Variants in ADAMTS3 observed in about 807,000 individuals in gnomAD.
ADAMTS3 encodes the protein ADAM metallopeptidase with thrombospondin type 1 motif 3.
A neutral mutation model predicts 129.0 loss-of-function variants in ADAMTS3; 73 were observed. The ratio of observed to expected loss-of-function variants is 0.57; its 90% confidence interval spans 0.47 to 0.69. ADAMTS3 has a LOEUF of 0.69. ADAMTS3 is among the 30% of genes least tolerant of loss of function. ADAMTS3 has a pLI of 0.00. For missense variants in ADAMTS3, 1,457 were observed against 1,514.5 expected, an observed-to-expected ratio of 0.96 and a Z score of 0.63; for synonymous variants, 477 against 510.8, an observed-to-expected ratio of 0.93 and a Z score of 0.89.
At chr4:72,376,952 T>C (rs997359673) in intron 4 of ADAMTS3, among the ~76,000 whole-genome samples, 3 of 152,146 alleles carry the variant, frequency 2.0e-5, no homozygotes, top group Non-Finnish European at 4.4e-5. Flanking sequence ...TGGCATTCAC[T>C]GAAGTGGCAT....
intron 4 of ADAMTS3, among the ~76,000 whole-genome samples, chr4:72,353,675 T>C (rs191714313): frequency 6.6e-6 from 1 of 152,034 alleles, no homozygotes; most frequent in African/African-American, 2.4e-5. Context: ...GTATTTTCAA[T>C]CCTTCCAAAG....
chr4:72,416,651 A>G (rs1299253852), intron 3 of ADAMTS3, among the ~76,000 whole-genome samples: 1 of 152,162 alleles, frequency 6.6e-6, no homozygotes, highest in Admixed American at 6.6e-5. Flanking sequence ...CATATTTTTC[A>G]AAAGTTATAT....
chr4:72,457,556 A>T (rs1718657633), intron 3 of ADAMTS3, among the ~76,000 whole-genome samples: 1 of 151,686 alleles, frequency 6.6e-6, no homozygotes, highest in Non-Finnish European at 1.5e-5. Context: ...AGACAACAAA[A>T]GATGGTTCTG....
At chr4:72,415,847 A>T (rs4694122) in intron 3 of ADAMTS3, among the ~76,000 whole-genome samples, 2,121 of 152,152 alleles carry the variant, frequency 0.014, 39 homozygotes, top group Admixed American at 0.037. Flanking sequence ...TTTCTACTTT[A>T]AACATCATAC....
At chr4:72,439,670 T>C (rs1718059535) in intron 3 of ADAMTS3, among the ~76,000 whole-genome samples, 1 of 151,842 alleles carries the variant, frequency 6.6e-6, no homozygotes, top group East Asian at 2.0e-4. Context: ...ATGTGAGATA[T>C]TTAACATTAT....
In ADAMTS3 at chr4:72,319,484, C is replaced by A; in HGVS notation, c.1209-9G>T. 1 of 1,606,238 alleles carries A rather than the reference C, an allele frequency of 6.2e-7. No homozygotes were observed. The highest frequency in any genetic ancestry group is 8.5e-7 in the Non-Finnish European group (1 of 1,177,724). On this transcript the variant is annotated splice_polypyrimidine_tract_variant and intron_variant, in intron 8 of 21. Coordinates refer to ENST00000286657, the MANE Select transcript of ADAMTS3 (RefSeq NM_014243.3). ...CATGCTCCATTCCCAACCTAGAACA[C>A]AAAGAGACCTCAGTGGTAAGAATCA...
chr4:72,472,115 G>GA (rs1032793032), intron 3 of ADAMTS3, among the ~76,000 whole-genome samples: 2 of 152,052 alleles, frequency 1.3e-5, no homozygotes, highest in Non-Finnish European at 1.5e-5. Context: ...CCTGGTCCAG[G>GA]AAAAATGAGA....
chr4:72,368,075 A>G (rs1358148886), intron 4 of ADAMTS3, among the ~76,000 whole-genome samples: 1 of 152,242 alleles, frequency 6.6e-6, no homozygotes, highest in Non-Finnish European at 1.5e-5. Flanking sequence ...GTCAAAATGT[A>G]CGCTAAAACA....
chr4:72,335,278 C>T (rs964009746), intron 5 of ADAMTS3, among the ~76,000 whole-genome samples: 5 of 152,096 alleles, frequency 3.3e-5, no homozygotes, highest in African/African-American at 1.2e-4. Flanking sequence ...TTAATTTATG[C>T]ATCCAAACAC....
intron 3 of ADAMTS3, among the ~76,000 whole-genome samples, chr4:72,493,956 A>C (rs1436364057): frequency 6.6e-6 from 1 of 152,070 alleles, no homozygotes; most frequent in Non-Finnish European, 1.5e-5. Context: ...TATAGAGGTC[A>C]CCTTGTATGT....
intron 2 of ADAMTS3, among the ~76,000 whole-genome samples, chr4:72,551,216 C>CT (rs1721638341): frequency 6.6e-6 from 1 of 152,110 alleles, no homozygotes; most frequent in Non-Finnish European, 1.5e-5. Flanking sequence ...AAACCAAAGT[C>CT]TAAATCAGTA....
At chr4:72,524,457 C>T (rs1365087294) in intron 3 of ADAMTS3, among the ~76,000 whole-genome samples, 1 of 151,954 alleles carries the variant, frequency 6.6e-6, no homozygotes, top group Non-Finnish European at 1.5e-5. Context: ...ATAATAATAT[C>T]ATTGAATCTT....
chr4:72,504,962 A>G (rs187895573), intron 3 of ADAMTS3, among the ~76,000 whole-genome samples: 162 of 152,156 alleles, frequency 1.1e-3, no homozygotes, highest in South Asian at 3.5e-3. Flanking sequence ...CATTTCCCAT[A>G]TTGCTTTAGA....
At chr4:72,392,671 T>G (rs1006704699) in intron 4 of ADAMTS3, among the ~76,000 whole-genome samples, 1 of 152,110 alleles carries the variant, frequency 6.6e-6, no homozygotes, top group Non-Finnish European at 1.5e-5. Flanking sequence ...ATAAATTTTT[T>G]CACTGACTTC....
chr4:72,398,069 T>C (rs1199332632), intron 4 of ADAMTS3, among the ~76,000 whole-genome samples: 1 of 152,170 alleles, frequency 6.6e-6, no homozygotes, highest in Non-Finnish European at 1.5e-5. Context: ...CAATCTGCTA[T>C]GAAGTGTCAT....
intron 5 of ADAMTS3, among the ~76,000 whole-genome samples, chr4:72,333,014 G>A (rs1719890307): frequency 6.6e-6 from 1 of 152,158 alleles, no homozygotes; most frequent in South Asian, 2.1e-4. Flanking sequence ...CTCAGGTCCT[G>A]ACTCTGCCAT....
intron 3 of ADAMTS3, among the ~76,000 whole-genome samples, chr4:72,522,949 A>T (rs1298880220): frequency 6.6e-6 from 1 of 152,168 alleles, no homozygotes; most frequent in Non-Finnish European, 1.5e-5. Flanking sequence ...ATAAAAACAT[A>T]AAACATGAAT....
chr4:72,401,964 A>G (rs1469338493), intron 4 of ADAMTS3, among the ~76,000 whole-genome samples: 1 of 152,226 alleles, frequency 6.6e-6, no homozygotes, highest in Non-Finnish European at 1.5e-5. Flanking sequence ...TATTTACGTA[A>G]CAATAATATC....
At chr4:72,515,802 T>G (rs942489811) in intron 3 of ADAMTS3, among the ~76,000 whole-genome samples, 1 of 151,902 alleles carries the variant, frequency 6.6e-6, no homozygotes, top group Non-Finnish European at 1.5e-5. Context: ...TTCACTCTGA[T>G]GGTAGTTTCT....
Sources: gnomAD v4.1 joint callset for allele counts (sites outside exome capture counted in the v4.1 genomes callset) on GRCh38, gnomAD v4.1.1 for gene constraint, MANE v1.5 for transcripts, NCBI Gene and HGNC (gene_info 2026-07-23, HGNC 2026-07-21) for gene names.